The following ACOT12 variants were observed in gnomAD, a reference collection of about 807,000 sequenced individuals.
ACOT12 encodes the protein acyl-CoA thioesterase 12, also known as acetyl-coenzyme A thioesterase.
In ACOT12, 51 loss-of-function variants were observed where a neutral mutation model predicts 67.7. That is an observed-to-expected ratio of 0.75 (90% CI 0.60 to 0.95). The LOEUF (loss-of-function observed/expected upper bound fraction) is 0.95, where lower values mean the gene tolerates loss of function less well. ACOT12 is among the 40% of genes least tolerant of loss of function. The pLI is 0.00. For missense variants in ACOT12, 734 were observed against 708.1 expected (o/e 1.04, Z -0.41); for synonymous variants, 251 against 244.6 (o/e 1.03, Z -0.24).
At chr5:81,339,200 C>A (rs543033598) in intron 11 of ACOT12, among the ~76,000 whole-genome samples, 2 of 152,274 alleles carry the variant, frequency 1.3e-5, no homozygotes, top group Non-Finnish European at 2.9e-5. Context: ...TTACAGAAGC[C>A]TAGGGGAGCC....
chr5:81,342,877 G>T (rs781245360), intron 10 of ACOT12, 122 bp from the exon 11 acceptor site: 107 of 1,020,810 alleles, frequency 1.0e-4, no homozygotes, highest in Non-Finnish European at 1.6e-4. Flanking sequence ...TAGTGATAAT[G>T]TTGAGTTTAG....
chr5:81,369,509 A>G (rs1760181850), intron 3 of ACOT12, among the ~76,000 whole-genome samples: 1 of 152,174 alleles, frequency 6.6e-6, no homozygotes, highest in African/African-American at 2.4e-5. Flanking sequence ...AATCCAAGAA[A>G]TTTCTACCAG....
the ACOT12 span, among the ~76,000 whole-genome samples, chr5:81,315,298 C>T: frequency 6.6e-6 from 1 of 152,170 alleles, no homozygotes; most frequent in Non-Finnish European, 1.5e-5. Context: ...CTTTACTTGA[C>T]ATTCCCTCCA....
rs1311913359 is a variant in ACOT12 at position 81,341,234 on chromosome 5, C to G, written c.1128+1438G>C. On this transcript the variant is annotated intron_variant, in intron 11 of 14. Transcript: ENST00000307624. Reference sequence around the variant, plus strand: ...AAACCTGTGTTTCTGCATCACTGAACCAGGCAAAGACAGAAATTTAACTGG... The same window carrying G: ...AAACCTGTGTTTCTGCATCACTGAAGCAGGCAAAGACAGAAATTTAACTGG... Among the ~76,000 whole-genome samples the G allele has an allele frequency of 2.0e-5, 3 of 152,198 alleles. No homozygotes were observed. The South Asian group carries it at 6.2e-4, about 32-fold the overall frequency.
chr5:81,387,617 C>G (rs1452664209), intron 1 of ACOT12, among the ~76,000 whole-genome samples: 1 of 150,236 alleles, frequency 6.7e-6, no homozygotes, highest in African/African-American at 2.5e-5. Flanking sequence ...ACTCCAGCGT[C>G]GAACTCCTGG....
chr5:81,394,027 GC>G lies in ACOT12; in HGVS notation c.87del (p.Gln30SerfsTer42). The G allele has an allele frequency of 6.8e-7, 1 of 1,465,232 alleles. No individual in the cohort carries two copies. Among genetic ancestry groups the G allele is most frequent in the South Asian group, 1.3e-5 (1 of 74,698 alleles). The allele number at this position is 1,465,232 out of a possible 1,614,324, so 90.8% of individuals were successfully genotyped here. A position where few individuals can be genotyped will look rare whatever the true frequency, so the allele number is the denominator to read the frequency against. On this transcript the variant is annotated frameshift_variant, in exon 1 of 15. Transcript: ENST00000307624. LOFTEE classifies it high-confidence loss of function. ...HATARGELSAGQLLKWIDTTA... is the reference protein window; with the variant it reads ...HATARGELSAXQLLKWIDTTA... ...GTGGTGTCGATCCACTTGAGCAGCT[GC>G]CCCGCGCTCAGCTCGCCGCGCGCAG... is the stretch of plus-strand genomic sequence containing the variant.
chr5:81,311,910 G>A, the ACOT12 span, among the ~76,000 whole-genome samples: 1 of 152,000 alleles, frequency 6.6e-6, no homozygotes, highest in East Asian at 1.9e-4. Context: ...AAGACAGTAG[G>A]ATAGCCCAGC....
chr5:81,367,648 G>A (rs72771191), intron 3 of ACOT12, among the ~76,000 whole-genome samples: 16,600 of 151,994 alleles, frequency 0.11, 967 homozygotes, highest in Middle Eastern at 0.14. Flanking sequence ...GGAAAAGATG[G>A]GGACAGGAAG....
At chr5:81,324,433 T>G in the ACOT12 span, among the ~76,000 whole-genome samples, 8 of 152,152 alleles carry the variant, frequency 5.3e-5, no homozygotes, top group East Asian at 1.3e-3. Flanking sequence ...ATACTGACTT[T>G]GAGATGACTA....
At chr5:81,343,736 C>G (rs1423563539) in intron 10 of ACOT12, 82 bp downstream of exon 10, 2 of 1,417,102 alleles carry the variant, frequency 1.4e-6, no homozygotes, top group Admixed American at 3.7e-5. Flanking sequence ...GTAGGCACAG[C>G]CTAGGCCAGT....
intron 3 of ACOT12, among the ~76,000 whole-genome samples, chr5:81,369,154 CAA>C (rs1264920216): frequency 1.1e-4 from 14 of 130,084 alleles, no homozygotes; most frequent in African/African-American, 3.0e-4. Context: ...ATTCTAAGGA[CAA>C]AAAAAAAAAA....
At chr5:81,311,766 T>C in the ACOT12 span, among the ~76,000 whole-genome samples, 3 of 152,294 alleles carry the variant, frequency 2.0e-5, no homozygotes, top group East Asian at 5.8e-4. Context: ...TTCTTCCTGA[T>C]GAAATACCAG....
chr5:81,359,505 T>C (rs1370630488), intron 5 of ACOT12, among the ~76,000 whole-genome samples: 1 of 152,234 alleles, frequency 6.6e-6, no homozygotes, highest in African/African-American at 2.4e-5. Context: ...GAGTTGCAGC[T>C]TTCTGCTCTG....
chr5:81,369,287 T>TC (rs1386889426), intron 3 of ACOT12, among the ~76,000 whole-genome samples: 1 of 152,062 alleles, frequency 6.6e-6, no homozygotes, highest in Non-Finnish European at 1.5e-5. Flanking sequence ...AGTCTGAGAA[T>TC]CCCCTGGAAG....
intron 5 of ACOT12, among the ~76,000 whole-genome samples, chr5:81,354,027 T>G (rs977162340): frequency 6.6e-6 from 1 of 152,172 alleles, no homozygotes; most frequent in Admixed American, 6.5e-5. Flanking sequence ...GGCTCTTGCA[T>G]TCTTTAAGAT....
rs758454253 is a variant in ACOT12, at chr5:81,371,805, C to T, written c.203G>A (p.Gly68Glu). Residue 68 changes from glycine to glutamate, a missense_variant, in exon 3 of 15, where the codon GGA becomes GAA. Physicochemically the swap from Gly to Glu is moderately conservative, Grantham distance 98. Coordinates refer to ENST00000307624, the MANE Select transcript of ACOT12 (RefSeq NM_130767.3). ...DIQFEETARV[G>E]QVITIKAKVT... Reference sequence around the variant, plus strand: ...TTTTGCTTTGATGGTTATAACTTGTCCAACTCTAGGGAAAAACAAACAAAA... The same window carrying T: ...TTTTGCTTTGATGGTTATAACTTGTTCAACTCTAGGGAAAAACAAACAAAA... 6.2e-7 allele frequency: 1 copy of T among 1,613,900 alleles called. No individual in the cohort carries two copies. Among genetic ancestry groups the T allele is most frequent in the Non-Finnish European group, 8.5e-7 (1 of 1,179,936 alleles).
chr5:81,377,791 A>G (rs1760464185), intron 2 of ACOT12, among the ~76,000 whole-genome samples: 1 of 152,216 alleles, frequency 6.6e-6, no homozygotes, highest in Non-Finnish European at 1.5e-5. Flanking sequence ...GATGTGAAGG[A>G]CCTCTTCAAG....
At chr5:81,347,358 G>T (rs1311450272) in intron 6 of ACOT12, among the ~76,000 whole-genome samples, 1 of 152,128 alleles carries the variant, frequency 6.6e-6, no homozygotes, top group Non-Finnish European at 1.5e-5. Context: ...CAATCTTCCT[G>T]TCTCGGCCTC....
chr5:81,353,781 C>G (rs1458189937), intron 5 of ACOT12, among the ~76,000 whole-genome samples: 1 of 152,174 alleles, frequency 6.6e-6, no homozygotes. Context: ...TCTCACTGTT[C>G]TAATAATATG....
Sources: allele counts gnomAD v4.1 joint callset (sites outside exome capture counted in the v4.1 genomes callset), GRCh38; gene constraint gnomAD v4.1.1; transcripts MANE v1.5; gene names NCBI Gene and HGNC (gene_info 2026-07-23, HGNC 2026-07-21).